B4GALNT4: variants seen among roughly 807,000 people sequenced by gnomAD.
The protein encoded by B4GALNT4 is beta-1,4-N-acetyl-galactosaminyltransferase 4.
Under a neutral mutation model 110.0 loss-of-function variants are expected in B4GALNT4, and 77 were observed. The ratio of observed to expected loss-of-function variants is 0.70; its 90% CI spans 0.58 to 0.85. The LOEUF is 0.85. B4GALNT4 is among the 40% of genes least tolerant of loss of function. The probability of loss-of-function intolerance (pLI) is 0.00; values close to 1 mark genes in which losing one functional copy is unlikely to be tolerated. For synonymous variants in B4GALNT4, 785 were observed against 655.5 expected (o/e 1.20, Z -3.02); for missense variants, 1,575 against 1,506.0 (o/e 1.05, Z -0.76).
At position 377,336 on chromosome 11, in the gene B4GALNT4, G is replaced by A; in HGVS notation, c.2204+9G>A. 1 of 1,500,536 alleles carries A rather than the reference G, an allele frequency of 6.7e-7. No homozygotes were observed. Among genetic ancestry groups the A allele is most frequent in the Non-Finnish European group, 8.9e-7 (1 of 1,129,816 alleles). 93.0% of individuals were successfully genotyped at this position (1,500,536 alleles called of 1,614,324 possible). ...AACGCGCGCCACGGCGGGTATGGGGGCGGCCGAACGCGCGCCAGGGCGGTT... is the reference window on the plus strand; with the variant it reads ...AACGCGCGCCACGGCGGGTATGGGGACGGCCGAACGCGCGCCAGGGCGGTT... On this transcript the variant is annotated intron_variant, in intron 14 of 19. Transcript: ENST00000329962.
rs760643607 is a variant in B4GALNT4, at chr11:376,739, G to C, written c.1616G>C (p.Arg539Pro). ...CGGCCGGGACAGCGGGCATCCCCCC[G>C]GGCCCCAGCGCCGCGTGCGCCCTGG... ...RVRPGQRASPRAPAPRAPWPP... is the reference protein window; with the variant it reads ...RVRPGQRASPPAPAPRAPWPP... The change falls in exon 14 of 20, where the codon CGG becomes CCG. Residue 539 changes from arginine to proline, a missense_variant. Transcript: ENST00000329962. 1.4e-6 allele frequency: 2 copies of C among 1,395,820 alleles called. No homozygotes were observed. The highest frequency in any genetic ancestry group is 1.5e-5 in the African/African-American group (1 of 65,646). 86.5% of individuals were successfully genotyped at this position (1,395,820 alleles called of 1,614,324 possible). A position where few individuals can be genotyped will look rare whatever the true frequency, so the allele number is the denominator to read the frequency against.
rs773520534 is a variant in B4GALNT4 at position 377,292 on chromosome 11, T to G, written c.2169T>G (p.Ala723=). 1.3e-6 allele frequency: 2 copies of G among 1,588,016 alleles called. No individual in the cohort carries two copies. Among genetic ancestry groups the G allele is most frequent in the Non-Finnish European group, 1.7e-6 (2 of 1,169,558 alleles). The change falls in exon 14 of 20, where the codon GCT becomes GCG. Residue 723 remains alanine (A), a synonymous_variant. Transcript: ENST00000329962. The part of the protein sequence containing the change: ...LPEAEAVDVT[A]QYMERLNARH... ...AGGCGGAGGCCGTGGACGTGACCGC[T>G]CAGTACATGGAGCGGCTGAACGCGC...
At chr11:380,593 C>A in intron 18 of B4GALNT4, 148 bp downstream of exon 18, 1 of 1,295,374 alleles carries the variant, frequency 7.7e-7, no homozygotes, top group Non-Finnish European at 1.1e-6. Context: ...CCAGTCCCCC[C>A]GCACCAGCAC....
chr11:374,199 A>G (rs571320816), intron 8 of B4GALNT4, among the ~76,000 whole-genome samples: 2 of 152,084 alleles, frequency 1.3e-5, no homozygotes, highest in South Asian at 2.1e-4. Context: ...CCTGAGCAGC[A>G]CTCTGGACAG....
chr11:381,187 C>T (rs1449713199), intron 19 of B4GALNT4: 3 of 973,616 alleles, frequency 3.1e-6, no homozygotes, highest in Non-Finnish European at 3.7e-6. Context: ...CCAGCTCTGC[C>T]CCCGATCCCA....
At position 376,873 on chromosome 11, in the gene B4GALNT4, G is replaced by T; in HGVS notation, c.1750G>T (p.Ala584Ser). 1.5e-6 allele frequency: 2 copies of T among 1,332,398 alleles called. No individual in the cohort carries two copies. The highest frequency in any genetic ancestry group is 1.9e-6 in the Non-Finnish European group (2 of 1,044,552). 82.5% of individuals were successfully genotyped at this position (1,332,398 alleles called of 1,614,324 possible). The part of the protein sequence containing the change: ...PHGRRTGGPQ[A>S]TQPRPPARAQ... ...CGGCCGCAGGACCGGCGGCCCCCAGGCCACACAGCCGAGGCCCCCAGCCCG... is the reference window on the plus strand; with the variant it reads ...CGGCCGCAGGACCGGCGGCCCCCAGTCCACACAGCCGAGGCCCCCAGCCCG... The change falls in exon 14 of 20, where the codon GCC (alanine) becomes TCC (serine). Residue 584 changes from alanine to serine, a missense_variant. Physicochemically the swap from Ala to Ser is moderately conservative, Grantham distance 99. Transcript: ENST00000329962.
chr11:380,009 C>T lies in B4GALNT4; in HGVS notation c.2632C>T (p.Arg878Cys), dbSNP rs1846840396. 1 of 1,612,126 alleles carries T rather than the reference C, an allele frequency of 6.2e-7. No individual in the cohort carries two copies. Residue 878 changes from arginine to cysteine, a missense_variant, in exon 16 of 20, where the codon CGC (arginine) becomes TGC (cysteine). Transcript: ENST00000329962. Reference sequence around the variant, plus strand: ...CGTGGAGCGGGCCCTGCGCGCCGCGCGCCTGCCCCGGTAACGACCCCTACT... The same window carrying T: ...CGTGGAGCGGGCCCTGCGCGCCGCGTGCCTGCCCCGGTAACGACCCCTACT... Reference protein sequence around the residue: ...MDVERALRAARLPRYQYLRRT... With the variant: ...MDVERALRAACLPRYQYLRRT...
intron 14 of B4GALNT4, 99 bp downstream of exon 14, chr11:377,426 G>C (rs1313660204): frequency 7.7e-7 from 1 of 1,293,460 alleles, no homozygotes; most frequent in African/African-American, 1.6e-5. Context: ...ACCTTCCCCA[G>C]GGCCCAGTGG....
At position 373,306 on chromosome 11, in the gene B4GALNT4, G is replaced by GC; in HGVS notation, c.636+18dup. 3.7e-6 allele frequency: 6 copies of GC among 1,604,236 alleles called. No individual in the cohort carries two copies. The highest frequency in any genetic ancestry group is 5.1e-6 in the Non-Finnish European group (6 of 1,174,454). On this transcript the variant is annotated intron_variant, in intron 6 of 19. Coordinates refer to ENST00000329962, the MANE Select transcript of B4GALNT4 (RefSeq NM_178537.5). ...TTGTGGGCAAGGTACCCCCACCCCA[G>GC]CCCTGGTGTCGTCCCGGGCCTCCTG...
chr11:371,962 T>G, intron 1 of B4GALNT4, 147 bp from the exon 2 acceptor site: 1 of 610,806 alleles, frequency 1.6e-6, no homozygotes, highest in Non-Finnish European at 2.9e-6. Flanking sequence ...AGGAAGCAGA[T>G]GAGAAGGAGA....
In B4GALNT4 at chr11:376,931, A is replaced by G; in HGVS notation, c.1808A>G (p.Gln603Arg). Residue 603 changes from glutamine (Q) to arginine (R), a missense_variant, in exon 14 of 20, where the codon CAG becomes CGG. Gln to Arg is a conservative substitution (Grantham distance 43). Coordinates refer to ENST00000329962, the MANE Select transcript of B4GALNT4 (RefSeq NM_178537.5). ...AQATQGGREG[Q>R]ARTLGPAAPT... The stretch of plus-strand genomic sequence containing the variant: ...GCCACCCAAGGGGGCCGGGAGGGCC[A>G]GGCGCGCACGCTGGGACCTGCGGCG... 2 of 1,410,796 alleles carry G rather than the reference A, an allele frequency of 1.4e-6. No individual in the cohort carries two copies. The highest frequency in any genetic ancestry group is 1.8e-6 in the Non-Finnish European group (2 of 1,086,298). The allele number at this position is 1,410,796 out of a possible 1,614,324, so 87.4% of individuals were successfully genotyped here.
rs1474533555 is a variant in B4GALNT4, at chr11:369,893, C to T, written c.90C>T (p.Tyr30=). 2.0e-6 allele frequency: 2 copies of T among 989,524 alleles called. No homozygotes were observed. The highest frequency in any genetic ancestry group is 2.4e-6 in the Non-Finnish European group (2 of 833,936). 61.3% of individuals were successfully genotyped at this position (989,524 alleles called of 1,614,324 possible). Residue 30 remains tyrosine, a synonymous_variant, in exon 1 of 20, where the codon TAC becomes TAT. Transcript: ENST00000329962. The part of the protein sequence containing the change: ...LLLSCAAWLT[Y]VHLGLVRQGR... Reference sequence around the variant, plus strand: ...TGAGCTGCGCCGCGTGGCTCACCTACGTGCACCTGGGCCTGGTGCGCCAGG... The same window carrying T: ...TGAGCTGCGCCGCGTGGCTCACCTATGTGCACCTGGGCCTGGTGCGCCAGG...
intron 1 of B4GALNT4, 25 bp from the exon 2 acceptor site, chr11:372,084 G>A: frequency 6.5e-7 from 1 of 1,540,800 alleles, no homozygotes; most frequent in Non-Finnish European, 8.8e-7. Context: ...CTGGGCCCGA[G>A]ACAGGCCTCA....
chr11:381,932 C>A lies in B4GALNT4; in HGVS notation c.*140C>A. 9.2e-7 allele frequency: 1 copy of A among 1,085,312 alleles called. No homozygotes were observed. Among genetic ancestry groups the A allele is most frequent in the Non-Finnish European group, 1.2e-6 (1 of 816,892 alleles). 67.2% of individuals were successfully genotyped at this position (1,085,312 alleles called of 1,614,324 possible). On this transcript the variant is annotated 3_prime_UTR_variant, in exon 20 of 20. Transcript: ENST00000329962. Reference sequence around the variant, plus strand: ...CCTGTGCCTGCCCCTCTCTGGCCCACTGGGCGTCGTGCCCCTCCCCGGAGA... The same window carrying A: ...CCTGTGCCTGCCCCTCTCTGGCCCAATGGGCGTCGTGCCCCTCCCCGGAGA...
At chr11:375,429 T>G (rs759196403) in intron 8 of B4GALNT4, 32 bp from the exon 9 acceptor site, 2 of 1,609,964 alleles carry the variant, frequency 1.2e-6, no homozygotes, top group Non-Finnish European at 1.7e-6. Flanking sequence ...GCCACCGCCC[T>G]GTCCCTGACC....
In B4GALNT4 at chr11:379,901, G is replaced by A. The variant is rs774305022; in HGVS notation, c.2524G>A (p.Ala842Thr). ...NQARWVAQFLADMAALHARTG... is the reference protein window; with the variant it reads ...NQARWVAQFLTDMAALHARTG... Reference sequence around the variant, plus strand: ...GGCACGGTGGGTGGCACAGTTCCTGGCGGACATGGCTGCGCTGCACGCGCG... The same window carrying A: ...GGCACGGTGGGTGGCACAGTTCCTGACGGACATGGCTGCGCTGCACGCGCG... The change falls in exon 16 of 20, where the codon GCG becomes ACG. Residue 842 changes from alanine (A) to threonine (T), a missense_variant. Ala to Thr is a moderately conservative substitution (Grantham distance 58). Coordinates refer to ENST00000329962, the MANE Select transcript of B4GALNT4 (RefSeq NM_178537.5). The A allele has an allele frequency of 1.6e-5, 26 of 1,608,332 alleles. No individual in the cohort carries two copies. The highest frequency in any genetic ancestry group is 2.2e-5 in the East Asian group (1 of 44,848).
At position 375,970 on chromosome 11, in the gene B4GALNT4, G is replaced by A. The variant is rs1846738164; in HGVS notation, c.1095+14G>A. 1.9e-6 allele frequency: 3 copies of A among 1,610,052 alleles called. No homozygotes were observed. The highest frequency in any genetic ancestry group is 2.5e-6 in the Non-Finnish European group (3 of 1,178,708). On this transcript the variant is annotated intron_variant, in intron 11 of 19. Coordinates refer to ENST00000329962, the MANE Select transcript of B4GALNT4 (RefSeq NM_178537.5). ...GGCCTGCAATTTGTGAGTGCGGCTG[G>A]AGACCCCGTCTCCCGTCCGGGACTC... is the stretch of plus-strand genomic sequence containing the variant.
intron 14 of B4GALNT4, 88 bp from the exon 15 acceptor site, chr11:379,330 G>T (rs1301464814): frequency 1.3e-5 from 18 of 1,369,696 alleles, no homozygotes; most frequent in Non-Finnish European, 1.6e-5. Context: ...CTCCAAGTCG[G>T]CTGAGTTTCT....
At chr11:379,771 G>T in intron 15 of B4GALNT4, 70 bp downstream of exon 15, 1 of 1,511,366 alleles carries the variant, frequency 6.6e-7, no homozygotes, top group Non-Finnish European at 8.8e-7. Context: ...GACTAGGAAA[G>T]GGTGTGGGTG....
Sources: allele counts gnomAD v4.1 joint callset (sites outside exome capture counted in the v4.1 genomes callset), GRCh38; gene constraint gnomAD v4.1.1; transcripts MANE v1.5; gene names NCBI Gene and HGNC (gene_info 2026-07-23, HGNC 2026-07-21).